The following PPM1E variants were observed in gnomAD, a reference collection of about 807,000 sequenced individuals.
The protein encoded by PPM1E is protein phosphatase, Mg2+/Mn2+ dependent 1E.
A neutral mutation model predicts 65.9 loss-of-function variants in PPM1E; 20 were observed. The ratio of observed to expected loss-of-function variants is 0.30; its 90% CI spans 0.21 to 0.44. PPM1E has a LOEUF of 0.44. Ranked by LOEUF, PPM1E falls within the 20% of genes least tolerant of loss-of-function variation. PPM1E has a pLI of 1.00. For missense variants in PPM1E, 713 were observed against 953.1 expected (o/e 0.75, Z 3.32); for synonymous variants, 352 against 374.9 (o/e 0.94, Z 0.70).
chr17:58,775,831 G>A (rs995508762), intron 1 of PPM1E, among the ~76,000 whole-genome samples: 9 of 145,868 alleles, frequency 6.2e-5, no homozygotes, highest in African/African-American at 1.5e-4. Flanking sequence ...GGAGAATGGC[G>A]TGAACCCGGG....
chr17:58,889,852 G>A (rs1567865517), intron 1 of PPM1E, among the ~76,000 whole-genome samples: 1 of 152,114 alleles, frequency 6.6e-6, no homozygotes, highest in South Asian at 2.1e-4. Flanking sequence ...GGTTTTAAAG[G>A]CTATGCATAA....
At chr17:58,885,114 T>C (rs1022921845) in intron 1 of PPM1E, among the ~76,000 whole-genome samples, 3 of 152,198 alleles carry the variant, frequency 2.0e-5, no homozygotes, top group African/African-American at 7.2e-5. Flanking sequence ...CGGAGTGCAG[T>C]GGCGTGATCT....
rs35912480 is a variant in PPM1E at position 58,762,897 on chromosome 17, CAA to C, written c.464+6455_464+6456del. 2.1e-3 allele frequency among the ~76,000 whole-genome samples: 197 copies of C among 93,152 alleles called. 1 individual carries two copies. Among genetic ancestry groups the C allele is most frequent in the African/African-American group, 5.0e-3 (123 of 24,602 alleles). The allele number at this position is 93,152 out of a possible 152,430, so 61.1% of individuals were successfully genotyped here. Reference sequence around the variant, plus strand: ...TGGGCGACAGAGCGAGACTCCGTCTCAAAAAAAAAAAAAAAAAAAATTTGTTT... The same window carrying C: ...TGGGCGACAGAGCGAGACTCCGTCTCAAAAAAAAAAAAAAAAAATTTGTTT... On this transcript the variant is annotated intron_variant, in intron 1 of 6. Transcript: ENST00000308249.
chr17:58,926,202 G>A (rs1246232197), intron 1 of PPM1E, among the ~76,000 whole-genome samples: 7 of 151,998 alleles, frequency 4.6e-5, no homozygotes, highest in South Asian at 2.1e-4. Flanking sequence ...TTAGCTGGGC[G>A]TGGTGGCACG....
rs919704544 is a variant in PPM1E, at chr17:58,984,301, C to T, written c.*3270C>T. On this transcript the variant is annotated 3_prime_UTR_variant, in exon 7 of 7. Coordinates refer to ENST00000308249, the MANE Select transcript of PPM1E (RefSeq NM_014906.5). The stretch of plus-strand genomic sequence containing the variant: ...ACAACCACACTCCACTGTTGAAACA[C>T]TGTGCCAGTGAGAAGTGCAACATCC... 2 of 152,636 alleles carry T rather than the reference C, an allele frequency of 1.3e-5. No homozygotes were observed. The highest frequency in any genetic ancestry group is 4.8e-5 in the African/African-American group (2 of 41,448). The allele number at this position is 152,636 out of a possible 1,614,324, so 9.5% of individuals were successfully genotyped here. A position where few individuals can be genotyped will look rare whatever the true frequency, so the allele number is the denominator to read the frequency against.
chr17:58,983,126 G>A lies in PPM1E; in HGVS notation c.*2095G>A. 1 of 526,962 alleles carries A rather than the reference G, an allele frequency of 1.9e-6. No individual in the cohort carries two copies. Among genetic ancestry groups the A allele is most frequent in the Non-Finnish European group, 3.4e-6 (1 of 297,144 alleles). 32.6% of individuals were successfully genotyped at this position (526,962 alleles called of 1,614,324 possible). A position where few individuals can be genotyped will look rare whatever the true frequency, so the allele number is the denominator to read the frequency against. ...GGAAAAAAATGGCTGGATAGAACTG[G>A]GACAAACACAGACCCATCTTTAGGG... On this transcript the variant is annotated 3_prime_UTR_variant, in exon 7 of 7. Coordinates refer to ENST00000308249, the MANE Select transcript of PPM1E (RefSeq NM_014906.5).
rs1273926228 is a variant in PPM1E at position 58,860,965 on chromosome 17, CT to C, written c.465-94683del. Among the ~76,000 whole-genome samples, 5 of 152,194 alleles carry C rather than the reference CT, an allele frequency of 3.3e-5. No homozygotes were observed. In the East Asian group the frequency reaches 9.7e-4, roughly 29 times the overall value. ...AAAAAAGAAAAAAAAAGCTAACATA[CT>C]GGTTTCATCTACTGAAAAATCTCTT... On this transcript the variant is annotated intron_variant, in intron 1 of 6. Coordinates refer to ENST00000308249, the MANE Select transcript of PPM1E (RefSeq NM_014906.5).
intron 3 of PPM1E, among the ~76,000 whole-genome samples, chr17:58,969,077 T>G (rs551586659): frequency 2.1e-4 from 32 of 152,250 alleles, no homozygotes; most frequent in Non-Finnish European, 3.8e-4. Flanking sequence ...TGGCCTTGTG[T>G]TGGAAGACCA....
chr17:58,937,770 C>G (rs964440828), intron 1 of PPM1E, among the ~76,000 whole-genome samples: 1 of 148,750 alleles, frequency 6.7e-6, no homozygotes, highest in Non-Finnish European at 1.5e-5. Flanking sequence ...ATCCCAGCTA[C>G]TCAGGAGGCT....
chr17:58,870,692 C>G (rs1567859348), intron 1 of PPM1E, among the ~76,000 whole-genome samples: 1 of 152,144 alleles, frequency 6.6e-6, no homozygotes, highest in East Asian at 1.9e-4. Context: ...ATTTTGGCCA[C>G]TGTAATTTGG....
chr17:58,974,945 T>A (rs959613485), intron 6 of PPM1E, among the ~76,000 whole-genome samples: 1 of 152,166 alleles, frequency 6.6e-6, no homozygotes, highest in Non-Finnish European at 1.5e-5. Flanking sequence ...GAGGGAATTA[T>A]TAGGAACTCT....
chr17:58,886,075 GATACCAC>G (rs2051262687), intron 1 of PPM1E, among the ~76,000 whole-genome samples: 2 of 152,126 alleles, frequency 1.3e-5, no homozygotes, highest in African/African-American at 4.8e-5. Flanking sequence ...TAACAAGTCA[GATACCAC>G]TCCTCCATTT....
intron 1 of PPM1E, among the ~76,000 whole-genome samples, chr17:58,857,320 T>C (rs1440325206): frequency 6.6e-6 from 1 of 152,140 alleles, no homozygotes; most frequent in East Asian, 1.9e-4. Context: ...TTTGCTACAA[T>C]AACAGTGGTT....
intron 1 of PPM1E, among the ~76,000 whole-genome samples, chr17:58,819,215 G>A (rs189783586): frequency 6.6e-6 from 1 of 152,084 alleles, no homozygotes; most frequent in East Asian, 1.9e-4. Context: ...GTGCAATCTC[G>A]GCTCACTGCA....
At chr17:58,966,065 G>T in intron 3 of PPM1E, 172 bp downstream of exon 3, 2 of 668,614 alleles carry the variant, frequency 3.0e-6, no homozygotes, top group South Asian at 3.9e-5. Context: ...ACTATTTTAC[G>T]TTCTTTTGAA....
intron 1 of PPM1E, among the ~76,000 whole-genome samples, chr17:58,785,957 C>T (rs1268367804): frequency 1.3e-5 from 2 of 149,478 alleles, no homozygotes; most frequent in African/African-American, 4.9e-5. Flanking sequence ...CCATAAATCT[C>T]AGCAACCTCA....
chr17:58,756,616 C>T (rs1373294367), intron 1 of PPM1E, among the ~76,000 whole-genome samples, 155 bp downstream of exon 1: 1 of 151,964 alleles, frequency 6.6e-6, no homozygotes, highest in South Asian at 2.1e-4. Flanking sequence ...TGCTCGGACC[C>T]GGGCGGTCGG....
chr17:58,831,020 G>T lies in PPM1E; in HGVS notation c.464+74559G>T, dbSNP rs574225410. Among the ~76,000 whole-genome samples the T allele has an allele frequency of 1.6e-3, 159 of 97,286 alleles. 3 individuals carry two copies. In the East Asian group the frequency reaches 0.024, roughly 15 times the overall value. 63.8% of individuals were successfully genotyped at this position (97,286 alleles called of 152,430 possible). ...TTACTTTATCTTTTTTTTTTTTTTCGTTTTTTTGAGATGGAGTCTCACTCT... is the reference window on the plus strand; with the variant it reads ...TTACTTTATCTTTTTTTTTTTTTTCTTTTTTTTGAGATGGAGTCTCACTCT... On this transcript the variant is annotated intron_variant, in intron 1 of 6. Transcript: ENST00000308249.
chr17:58,858,796 G>T (rs1486208922), intron 1 of PPM1E, among the ~76,000 whole-genome samples: 1 of 152,178 alleles, frequency 6.6e-6, no homozygotes, highest in Non-Finnish European at 1.5e-5. Context: ...GAACATGGGG[G>T]TACAGATATC....
Sources: gnomAD v4.1 joint callset for allele counts (sites outside exome capture counted in the v4.1 genomes callset) on GRCh38, gnomAD v4.1.1 for gene constraint, MANE v1.5 for transcripts, NCBI Gene and HGNC (gene_info 2026-07-23, HGNC 2026-07-21) for gene names.